Variants in TNFAIP6 observed in about 807,000 individuals in gnomAD.
The protein encoded by TNFAIP6 is tumor necrosis factor-inducible gene 6 protein.
Under a neutral mutation model 33.7 loss-of-function variants are expected in TNFAIP6, and 36 were observed. The observed-to-expected ratio is 1.07, with a 90% CI of 0.82 to 1.41. TNFAIP6 has a LOEUF of 1.41. Among genes scored for constraint, TNFAIP6 ranks in the 40% most tolerant of loss-of-function variants. TNFAIP6 has a pLI of 0.00. For missense variants in TNFAIP6, 273 were observed against 331.9 expected (o/e 0.82, Z 1.38); for synonymous variants, 113 against 112.8 (o/e 1.00, Z -0.01).
intron 5 of TNFAIP6, among the ~76,000 whole-genome samples, chr2:151,375,494 G>A (rs1684890397): frequency 6.6e-6 from 1 of 152,026 alleles, no homozygotes; most frequent in South Asian, 2.1e-4. Context: ...GGATCACCAG[G>A]TCAAGAGATC....
intron 3 of TNFAIP6, 144 bp downstream of exon 3, chr2:151,366,361 C>A: frequency 1.4e-6 from 1 of 698,096 alleles, no homozygotes; most frequent in Non-Finnish European, 2.4e-6. Flanking sequence ...TCATAAAGTG[C>A]TTATACTATA....
intron 5 of TNFAIP6, chr2:151,373,884 T>C (rs529812812): frequency 9.8e-6 from 2 of 203,884 alleles, no homozygotes; most frequent in Non-Finnish European, 1.9e-5. Flanking sequence ...ATGATTTCCA[T>C]AAATGTGCTA....
In TNFAIP6 at chr2:151,357,625, G is replaced by A. The variant is rs1573776051; in HGVS notation, c.-42G>A. On this transcript the variant is annotated 5_prime_UTR_variant, in exon 1 of 6. Transcript: ENST00000243347. The stretch of plus-strand genomic sequence containing the variant: ...TTCAGCCACTGCTCTGAGAATTTGT[G>A]AGCAGCCCCTAACAGGCTGTTACTT... 8.0e-7 allele frequency: 1 copy of A among 1,252,930 alleles called. No homozygotes were observed. The highest frequency in any genetic ancestry group is 1.2e-6 in the Non-Finnish European group (1 of 852,472). The allele number at this position is 1,252,930 out of a possible 1,614,324, so 77.6% of individuals were successfully genotyped here.
chr2:151,357,641 G>A lies in TNFAIP6; in HGVS notation c.-26G>A, dbSNP rs778095400. The A allele has an allele frequency of 1.0e-5, 15 of 1,436,986 alleles. No individual in the cohort carries two copies. Among genetic ancestry groups the A allele is most frequent in the African/African-American group, 1.4e-5 (1 of 71,266 alleles). The allele number at this position is 1,436,986 out of a possible 1,614,324, so 89.0% of individuals were successfully genotyped here. A position where few individuals can be genotyped will look rare whatever the true frequency, so the allele number is the denominator to read the frequency against. On this transcript the variant is annotated 5_prime_UTR_variant, in exon 1 of 6. Coordinates refer to ENST00000243347, the MANE Select transcript of TNFAIP6 (RefSeq NM_007115.4). The stretch of plus-strand genomic sequence containing the variant: ...AGAATTTGTGAGCAGCCCCTAACAG[G>A]CTGTTACTTCACTACAACTGACGAT...
intron 1 of TNFAIP6, among the ~76,000 whole-genome samples, chr2:151,360,247 G>A (rs940512880): frequency 1.3e-5 from 2 of 152,138 alleles, no homozygotes; most frequent in African/African-American, 2.4e-5. Context: ...GCAGTGAGCC[G>A]TGACCTCACC....
intron 5 of TNFAIP6, chr2:151,373,833 A>T (rs554824741): frequency 5.6e-4 from 149 of 266,084 alleles, no homozygotes; most frequent in African/African-American, 3.1e-3. Flanking sequence ...AATGTATCTG[A>T]GAGTCTTGAA....
Position 151,379,376 on chromosome 2 carries a change from C to G in TNFAIP6, c.677C>G (p.Thr226Ser), listed in dbSNP as rs1398683081. ...TTCCCCGCAACAGGAAATGTCATGACCTTGAAGTTTCTAAGTGATGCTTCA... is the reference window on the plus strand; with the variant it reads ...TTCCCCGCAACAGGAAATGTCATGAGCTTGAAGTTTCTAAGTGATGCTTCA... ...DDIISTGNVM[T>S]LKFLSDASVT... is the part of the protein sequence containing the mutation. Residue 226 changes from threonine (T) to serine (S), a missense_variant, in exon 6 of 6, where the codon ACC (threonine) becomes AGC (serine). By Grantham distance (58) the Thr-to-Ser change is moderately conservative. Transcript: ENST00000243347. 1 of 1,594,664 alleles carries G rather than the reference C, an allele frequency of 6.3e-7. No homozygotes were observed. Among genetic ancestry groups the G allele is most frequent in the East Asian group, 2.3e-5 (1 of 43,786 alleles).
At chr2:151,363,206 C>T (rs1684657135) in intron 1 of TNFAIP6, among the ~76,000 whole-genome samples, 1 of 152,080 alleles carries the variant, frequency 6.6e-6, no homozygotes, top group South Asian at 2.1e-4. Flanking sequence ...ATCCCAGCTA[C>T]TCGGAAGGCT....
downstream of TNFAIP6, among the ~76,000 whole-genome samples, chr2:151,381,202 T>C (rs1379494075): frequency 6.6e-6 from 1 of 152,110 alleles, no homozygotes; most frequent in Non-Finnish European, 1.5e-5. Context: ...CCGGGCGCAG[T>C]GGCTCACTCC....
rs1449680419 is a variant in TNFAIP6 at position 151,370,164 on chromosome 2, T to C, written c.539T>C (p.Phe180Ser). The C allele has an allele frequency of 6.2e-7, 1 of 1,614,044 alleles. No individual in the cohort carries two copies. Among genetic ancestry groups the C allele is most frequent in the Non-Finnish European group, 8.5e-7 (1 of 1,180,022 alleles). ...CGTATTCACCTGAGTTTTTTAGATT[T>C]TGACCTTGAAGATGACCCAGGTTGC... ...GQRIHLSFLD[F>S]DLEDDPGCLA... The change falls in exon 4 of 6, where the codon TTT becomes TCT. Residue 180 changes from phenylalanine to serine, a missense_variant. By Grantham distance (155) the Phe-to-Ser change is radical. Coordinates refer to ENST00000243347, the MANE Select transcript of TNFAIP6 (RefSeq NM_007115.4).
At chr2:151,381,152 G>A (rs1186928304), downstream of TNFAIP6, among the ~76,000 whole-genome samples, 4 of 151,936 alleles carry the variant, frequency 2.6e-5, no homozygotes, top group Non-Finnish European at 4.4e-5. Flanking sequence ...CTTGCCCCAA[G>A]TCTTCCTCTT....
At chr2:151,378,930 T>C (rs1684967004) in intron 5 of TNFAIP6, among the ~76,000 whole-genome samples, 1 of 151,748 alleles carries the variant, frequency 6.6e-6, no homozygotes, top group South Asian at 2.1e-4. Context: ...AAACCCCGTC[T>C]CTAGTAAAAA....
At chr2:151,376,875 T>TG (rs1684918817) in intron 5 of TNFAIP6, among the ~76,000 whole-genome samples, 1 of 149,294 alleles carries the variant, frequency 6.7e-6, no homozygotes, top group African/African-American at 2.5e-5. Context: ...CTTTTTTTTT[T>TG]TTTTTTTTTT....
chr2:151,370,927 C>T (rs1684805829), intron 4 of TNFAIP6, among the ~76,000 whole-genome samples: 1 of 151,912 alleles, frequency 6.6e-6, no homozygotes, highest in South Asian at 2.1e-4. Flanking sequence ...AAAAATTAGC[C>T]GGGCGTGGTG....
At chr2:151,370,799 G>A (rs1270770361) in intron 4 of TNFAIP6, among the ~76,000 whole-genome samples, 1 of 152,218 alleles carries the variant, frequency 6.6e-6, no homozygotes, top group East Asian at 1.9e-4. Flanking sequence ...GCCGGGCACG[G>A]TGTCTCACGC....
chr2:151,371,585 CT>C (rs1338295481), intron 4 of TNFAIP6, among the ~76,000 whole-genome samples: 1 of 146,542 alleles, frequency 6.8e-6, no homozygotes, highest in East Asian at 2.0e-4. Context: ...CTTTCTACAT[CT>C]TTTTTTCTTT....
At position 151,360,121 on chromosome 2, in the gene TNFAIP6, A is replaced by T. The variant is rs1191378279; in HGVS notation, c.94+2361A>T. Among the ~76,000 whole-genome samples the T allele has an allele frequency of 2.0e-5, 3 of 152,154 alleles. No individual in the cohort carries two copies. The East Asian group carries it at 5.8e-4, about 29-fold the overall frequency. On this transcript the variant is annotated intron_variant, in intron 1 of 5. Transcript: ENST00000243347. ...AAGACCAGCCTGGGCAACATAGAGA[A>T]ACTCTGTCTCTACCAAAAAAAACAC...
intron 1 of TNFAIP6, among the ~76,000 whole-genome samples, chr2:151,360,157 G>A (rs1273782751): frequency 1.3e-5 from 2 of 152,120 alleles, no homozygotes; most frequent in South Asian, 4.1e-4. Flanking sequence ...AATTAACTGG[G>A]TGTGGTGGTG....
intron 5 of TNFAIP6, among the ~76,000 whole-genome samples, chr2:151,374,889 G>T (rs1391153486): frequency 6.6e-6 from 1 of 152,100 alleles, no homozygotes; most frequent in Non-Finnish European, 1.5e-5. Flanking sequence ...ACTTTGGGAG[G>T]CCAAGGCAGG....
Sources: gnomAD v4.1 joint callset for allele counts (sites outside exome capture counted in the v4.1 genomes callset) on GRCh38, gnomAD v4.1.1 for gene constraint, MANE v1.5 for transcripts, NCBI Gene and HGNC (gene_info 2026-07-23, HGNC 2026-07-21) for gene names.